Variants in SYNE2 observed in about 807,000 individuals in gnomAD.
SYNE2 encodes the protein nesprin-2.
Under a neutral mutation model 856.3 loss-of-function variants are expected in SYNE2, and 431 were observed. That is an observed-to-expected ratio of 0.50 (90% confidence interval 0.47 to 0.55). The LOEUF (loss-of-function observed/expected upper bound fraction) is 0.55. Ranked by LOEUF, SYNE2 falls within the 20% of genes least tolerant of loss-of-function variation. The probability of loss-of-function intolerance (pLI) is 0.00; values close to 1 mark genes in which losing one functional copy is unlikely to be tolerated. For synonymous variants in SYNE2, 2,923 were observed against 2,872.3 expected, an observed-to-expected ratio of 1.02 and a Z score of -0.56; for missense variants, 8,129 against 8,023.2, an observed-to-expected ratio of 1.01 and a Z score of -0.50.
At chr14:64,036,313 GTC>G (rs1395745134) in intron 45 of SYNE2, among the ~76,000 whole-genome samples, 1 of 151,954 alleles carries the variant, frequency 6.6e-6, no homozygotes, top group East Asian at 1.9e-4. Flanking sequence ...TGGAGAAAGG[GTC>G]TCACTCTGTC....
intron 30 of SYNE2, among the ~76,000 whole-genome samples, chr14:64,004,637 C>A (rs1241142947): frequency 6.6e-6 from 1 of 152,128 alleles, no homozygotes; most frequent in Non-Finnish European, 1.5e-5. Flanking sequence ...GCCTCTTCCC[C>A]CCTTTCTAAA....
At chr14:63,815,080 C>CCATATATACATCCA (rs1888870750) in intron 1 of SYNE2, among the ~76,000 whole-genome samples, 1 of 111,164 alleles carries the variant, frequency 9.0e-6, no homozygotes, top group South Asian at 2.8e-4. Flanking sequence ...ATATATATAT[C>CCATATATACATCCA]CATATATATG....
chr14:63,969,439 T>C, intron 11 of SYNE2, among the ~76,000 whole-genome samples: 1 of 150,068 alleles, frequency 6.7e-6, no homozygotes, highest in East Asian at 2.0e-4. Context: ...ACCTCCTGGA[T>C]TCAAGTGATT....
At chr14:63,944,721 A>C (rs1009184555) in intron 6 of SYNE2, among the ~76,000 whole-genome samples, 4 of 149,308 alleles carry the variant, frequency 2.7e-5, no homozygotes, top group Non-Finnish European at 5.9e-5. Context: ...GGGTTTCACC[A>C]TATTGGCCAG....
At chr14:64,106,838 G>A (rs1274497978) in intron 64 of SYNE2, among the ~76,000 whole-genome samples, 3 of 152,026 alleles carry the variant, frequency 2.0e-5, no homozygotes, top group Non-Finnish European at 2.9e-5. Context: ...AATACAATGA[G>A]AATTTATTGT....
At chr14:63,977,274 G>C (rs1448738839) in intron 12 of SYNE2, among the ~76,000 whole-genome samples, 6 of 151,880 alleles carry the variant, frequency 4.0e-5, no homozygotes, top group African/African-American at 1.5e-4. Flanking sequence ...GTGCAGTGGC[G>C]CGATCTTGGC....
In SYNE2 at chr14:63,828,456, A is replaced by G. The variant is rs1026229056; in HGVS notation, c.-304-24045A>G. On this transcript the variant is annotated intron_variant, in intron 1 of 23. Coordinates refer to the SYNE2 transcript ENST00000674003. ...GGAGTTCAAGACCAGCCTGGCCAAC[A>G]TGGTAAAACCTGTCTCTACTAAAAA... 1.2e-3 allele frequency among the ~76,000 whole-genome samples: 178 copies of G among 151,912 alleles called. 1 individual carries two copies. Among genetic ancestry groups the G allele is most frequent in the Non-Finnish European group, 5.4e-4 (37 of 67,994 alleles).
intron 18 of SYNE2, 73 bp from the exon 19 acceptor site, chr14:63,986,383 A>G: frequency 6.5e-7 from 1 of 1,545,130 alleles, no homozygotes; most frequent in Non-Finnish European, 8.9e-7. Flanking sequence ...TACAGGTGTA[A>G]CTTTTTGAAA....
chr14:64,091,038 A>T lies in SYNE2; in HGVS notation c.11966A>T (p.Glu3989Val). 6.2e-7 allele frequency: 1 copy of T among 1,614,032 alleles called. No homozygotes were observed. Among genetic ancestry groups the T allele is most frequent in the South Asian group, 1.1e-5 (1 of 91,080 alleles). The change falls in exon 60 of 116, where the codon GAG (glutamate) becomes GTG (valine). Residue 3989 changes from glutamate (E) to valine (V), a missense_variant. Physicochemically the swap from Glu to Val is moderately radical, Grantham distance 121. Coordinates refer to ENST00000555002, the MANE Select transcript of SYNE2 (RefSeq NM_182914.3). ...LLENVTQEQN[E>V]LLKVVIKQTN... ...GAAAATGTGACTCAAGAACAAAATG[A>T]GTTATTAAAGGTAAGCAGTTTCTGA...
intron 1 of SYNE2, among the ~76,000 whole-genome samples, chr14:63,835,678 T>C (rs1889831853): frequency 1.3e-5 from 2 of 152,142 alleles, no homozygotes; most frequent in East Asian, 3.9e-4. Flanking sequence ...TCTTAAATAT[T>C]ATTCTTATTT....
chr14:64,162,499 C>T (rs2098337287), intron 88 of SYNE2: 1 of 592,756 alleles, frequency 1.7e-6, no homozygotes, highest in Middle Eastern at 4.6e-4. Context: ...TCGATATCAC[C>T]TCGTTCCAAG....
At chr14:64,004,007 C>T (rs1234107788) in intron 30 of SYNE2, among the ~76,000 whole-genome samples, 3 of 151,978 alleles carry the variant, frequency 2.0e-5, no homozygotes, top group South Asian at 2.1e-4. Context: ...ACCTCCCCTC[C>T]CTTCTCCTCC....
chr14:64,005,281 G>A (rs2096787613), intron 30 of SYNE2, among the ~76,000 whole-genome samples: 1 of 152,216 alleles, frequency 6.6e-6, no homozygotes, highest in African/African-American at 2.4e-5. Flanking sequence ...GGAGTTGAGA[G>A]AAGACATGGG....
intron 1 of SYNE2, among the ~76,000 whole-genome samples, chr14:63,869,636 CAAAAA>C (rs35258750): frequency 9.0e-5 from 7 of 77,422 alleles, no homozygotes; most frequent in East Asian, 4.1e-4. Flanking sequence ...AACTTTGTCT[CAAAAA>C]AAAAAAAAAA....
rs550539847 is a variant in SYNE2 at position 64,144,074 on chromosome 14, C to G, written c.15483+126C>G. On this transcript the variant is annotated intron_variant, in intron 83 of 115. Coordinates refer to ENST00000555002, the MANE Select transcript of SYNE2 (RefSeq NM_182914.3). ...CCTAATAATCATCTCAACTATAGCC[C>G]TTTTATAAATCCTATGTTTTAGCAT... is the stretch of plus-strand genomic sequence containing the variant. 7.2e-6 allele frequency: 8 copies of G among 1,112,534 alleles called. No homozygotes were observed. The African/African-American group carries it at 9.3e-5, about 13-fold the overall frequency. The allele number at this position is 1,112,534 out of a possible 1,614,324, so 68.9% of individuals were successfully genotyped here.
chr14:64,165,172 C>A, intron 89 of SYNE2, 113 bp from the exon 90 acceptor site: 1 of 1,115,652 alleles, frequency 9.0e-7, no homozygotes. Flanking sequence ...CAGCCATGAG[C>A]CACCGTGCCT....
chr14:63,792,398 A>G (rs1046193904), intron 1 of SYNE2, among the ~76,000 whole-genome samples: 2 of 152,076 alleles, frequency 1.3e-5, no homozygotes, highest in Non-Finnish European at 2.9e-5. Context: ...TACTAAAAAT[A>G]CAAAACATTA....
intron 1 of SYNE2, among the ~76,000 whole-genome samples, chr14:63,789,397 A>G (rs949596763): frequency 2.6e-5 from 4 of 152,060 alleles, no homozygotes; most frequent in African/African-American, 9.7e-5. Flanking sequence ...CCTAGTAAAG[A>G]TACGAAGGAA....
chr14:64,022,228 CA>C (rs2153534161), intron 37 of SYNE2, among the ~76,000 whole-genome samples, 200 bp downstream of exon 37: 1 of 152,226 alleles, frequency 6.6e-6, no homozygotes, highest in African/African-American at 2.4e-5. Context: ...TTGCAAGCTC[CA>C]AACCTTTATT....
Sources: gnomAD v4.1 joint callset for allele counts (sites outside exome capture counted in the v4.1 genomes callset) on GRCh38, gnomAD v4.1.1 for gene constraint, MANE v1.5 for transcripts, NCBI Gene and HGNC (gene_info 2026-07-23, HGNC 2026-07-21) for gene names.